TLL1: variants seen among roughly 807,000 people sequenced by gnomAD.
TLL1 encodes the protein tolloid-like protein 1.
A neutral mutation model predicts 128.2 loss-of-function variants in TLL1; 49 were observed. The observed-to-expected ratio is 0.38, with a 90% confidence interval of 0.30 to 0.48. The LOEUF is 0.48. TLL1 is among the 20% of genes least tolerant of loss of function. TLL1 has a pLI of 0.96. For synonymous variants in TLL1, 454 were observed against 418.8 expected (o/e 1.08, Z -1.03); for missense variants, 1,123 against 1,242.0 (o/e 0.90, Z 1.44).
At chr4:165,888,996 G>A (rs1272634011) in intron 1 of TLL1, among the ~76,000 whole-genome samples, 1 of 152,056 alleles carries the variant, frequency 6.6e-6, no homozygotes. Context: ...TATCTCTCTG[G>A]ATTCTCTCAT....
intron 1 of TLL1, among the ~76,000 whole-genome samples, chr4:165,980,197 T>C (rs369244527): frequency 1.5e-4 from 23 of 148,994 alleles, no homozygotes; most frequent in African/African-American, 2.9e-4. Context: ...ACACTCTGAG[T>C]GTCCAGTCCC....
intron 18 of TLL1, among the ~76,000 whole-genome samples, chr4:166,086,789 C>G (rs1391878170): frequency 6.6e-6 from 1 of 152,100 alleles, no homozygotes; most frequent in Non-Finnish European, 1.5e-5. Context: ...CTACTGACCT[C>G]CACAGCTGTA....
At chr4:166,019,798 T>A (rs776654190) in intron 8 of TLL1, among the ~76,000 whole-genome samples, 5 of 152,144 alleles carry the variant, frequency 3.3e-5, no homozygotes, top group Non-Finnish European at 7.3e-5. Flanking sequence ...ATACTATCAG[T>A]TTATGAAATT....
chr4:166,074,396 T>A (rs902036820), intron 16 of TLL1, among the ~76,000 whole-genome samples: 16 of 151,994 alleles, frequency 1.1e-4, no homozygotes, highest in African/African-American at 2.7e-4. Flanking sequence ...GTGATTTTTT[T>A]AAGTGATTAC....
At chr4:165,964,065 C>T (rs908355568) in intron 1 of TLL1, among the ~76,000 whole-genome samples, 1 of 152,058 alleles carries the variant, frequency 6.6e-6, no homozygotes, top group East Asian at 1.9e-4. Flanking sequence ...ATTTTACTAC[C>T]TAATGGGGAG....
chr4:165,878,662 C>G (rs1210080209), intron 1 of TLL1, among the ~76,000 whole-genome samples: 1 of 151,986 alleles, frequency 6.6e-6, no homozygotes, highest in Non-Finnish European at 1.5e-5. Context: ...ACATAGTCTC[C>G]TGAGAGCCTC....
chr4:166,069,968 C>A (rs1426174114), intron 16 of TLL1, among the ~76,000 whole-genome samples: 1 of 151,590 alleles, frequency 6.6e-6, no homozygotes, highest in African/African-American at 2.4e-5. Context: ...ATTAGGAAGC[C>A]AACATAAGAC....
Position 166,042,100 on chromosome 4 carries a change from C to T in TLL1, c.1335C>T (p.Ser445=). Residue 445 remains serine, a synonymous_variant, in exon 11 of 21, where the codon AGC becomes AGT. Coordinates refer to ENST00000061240, the MANE Select transcript of TLL1 (RefSeq NM_012464.5). ...TDSRMWIEFR[S]SSNWVGKGFA... ...GCAGAATGTGGATTGAGTTTCGTAG[C>T]AGCAGTAATTGGGTAGGAAAAGGCT... The T allele has an allele frequency of 6.2e-7, 1 of 1,612,278 alleles. No homozygotes were observed. Among genetic ancestry groups the T allele is most frequent in the Admixed American group, 1.7e-5 (1 of 59,982 alleles).
At chr4:166,047,237 T>A (rs1372269963) in intron 12 of TLL1, among the ~76,000 whole-genome samples, 1 of 151,652 alleles carries the variant, frequency 6.6e-6, no homozygotes, top group Non-Finnish European at 1.5e-5. Flanking sequence ...CGATCTCGGT[T>A]CACTGCAACC....
intron 1 of TLL1, among the ~76,000 whole-genome samples, chr4:165,981,491 G>A (rs1236749278): frequency 6.6e-6 from 1 of 152,040 alleles, no homozygotes; most frequent in Non-Finnish European, 1.5e-5. Flanking sequence ...CAGGGAGATT[G>A]GAGGTTTGGA....
Position 166,089,439 on chromosome 4 carries a change from A to G in TLL1, c.2443-1689A>G, listed in dbSNP as rs1741663540. Among the ~76,000 whole-genome samples, 5 of 152,254 alleles carry G rather than the reference A, an allele frequency of 3.3e-5. No homozygotes were observed. In the South Asian group the frequency reaches 8.3e-4, roughly 25 times the overall value. ...GTCAGCTAGGTTTTTGGGTAAATACATTGACAGGTTTATGCAAACATCCAT... is the reference window on the plus strand; with the variant it reads ...GTCAGCTAGGTTTTTGGGTAAATACGTTGACAGGTTTATGCAAACATCCAT... On this transcript the variant is annotated intron_variant, in intron 18 of 20. Transcript: ENST00000061240.
At chr4:165,947,235 TTTC>T (rs1734295495) in intron 1 of TLL1, among the ~76,000 whole-genome samples, 1 of 152,042 alleles carries the variant, frequency 6.6e-6, no homozygotes, top group African/African-American at 2.4e-5. Context: ...CTCCCGGATG[TTTC>T]TTCTTTTGAG....
chr4:165,914,024 A>G (rs1732665571), intron 1 of TLL1, among the ~76,000 whole-genome samples: 1 of 148,250 alleles, frequency 6.7e-6, no homozygotes, highest in Non-Finnish European at 1.5e-5. Flanking sequence ...CTTGTCTCCA[A>G]AAAAAAAAAG....
At chr4:165,959,643 C>A (rs1010328574) in intron 1 of TLL1, among the ~76,000 whole-genome samples, 2 of 152,102 alleles carry the variant, frequency 1.3e-5, no homozygotes, top group Non-Finnish European at 2.9e-5. Context: ...ATCTAGCATA[C>A]TCTTGGACCA....
intron 1 of TLL1, among the ~76,000 whole-genome samples, chr4:165,940,763 C>T (rs542851822): frequency 3.5e-4 from 53 of 151,722 alleles, no homozygotes; most frequent in African/African-American, 1.0e-3. Flanking sequence ...TTCCTTATAC[C>T]GTCAATTTTA....
intron 5 of TLL1, 123 bp downstream of exon 5, chr4:165,995,301 G>T (rs1482960471): frequency 1.3e-6 from 1 of 780,228 alleles, no homozygotes; most frequent in East Asian, 2.5e-5. Context: ...GAGAAAGTCT[G>T]GATTTTCCAT....
intron 7 of TLL1, among the ~76,000 whole-genome samples, chr4:166,008,606 T>C (rs1226330757): frequency 6.6e-6 from 1 of 151,598 alleles, no homozygotes; most frequent in African/African-American, 2.4e-5. Flanking sequence ...CATCACTCAT[T>C]AACCCTAAAA....
chr4:165,903,013 A>G (rs1732072320), intron 1 of TLL1, among the ~76,000 whole-genome samples: 1 of 152,176 alleles, frequency 6.6e-6, no homozygotes, highest in Non-Finnish European at 1.5e-5. Flanking sequence ...ATCAAAATTA[A>G]TAAGTTCTGC....
chr4:166,076,117 G>T (rs763208111), intron 17 of TLL1, among the ~76,000 whole-genome samples: 14 of 151,970 alleles, frequency 9.2e-5, no homozygotes, highest in Non-Finnish European at 1.8e-4. Flanking sequence ...CTGTCACCGA[G>T]GCTGGAATGC....
Sources: allele counts gnomAD v4.1 joint callset (sites outside exome capture counted in the v4.1 genomes callset), GRCh38; gene constraint gnomAD v4.1.1; transcripts MANE v1.5; gene names NCBI Gene and HGNC (gene_info 2026-07-23, HGNC 2026-07-21).